Variants in UNC13C observed in about 807,000 individuals in gnomAD.
The protein encoded by UNC13C is protein unc-13 homolog C.
Under a neutral mutation model 245.4 loss-of-function variants are expected in UNC13C, and 174 were observed. That is an observed-to-expected ratio of 0.71 (90% CI 0.63 to 0.80). UNC13C has a LOEUF of 0.80. Among genes scored for constraint, UNC13C ranks in the 30% least tolerant of loss-of-function variants. The pLI, the probability that UNC13C is intolerant of heterozygous loss-of-function variation, is 0.00. For synonymous variants in UNC13C, 992 were observed against 895.1 expected (o/e 1.11, Z -1.93); for missense variants, 2,829 against 2,602.9 (o/e 1.09, Z -1.89).
intron 21 of UNC13C, among the ~76,000 whole-genome samples, chr15:54,500,474 T>C (rs2141098422): frequency 6.6e-6 from 1 of 152,198 alleles, no homozygotes; most frequent in Middle Eastern, 3.4e-3. Flanking sequence ...CTGGAACTTT[T>C]CCAGGATTTC....
At chr15:54,167,465 G>GCACTC (rs1401304844) in intron 4 of UNC13C, among the ~76,000 whole-genome samples, 4 of 139,060 alleles carry the variant, frequency 2.9e-5, no homozygotes, top group African/African-American at 1.1e-4. Flanking sequence ...TCGCGCCACT[G>GCACTC]CACTCCAGCC....
Position 54,264,172 on chromosome 15 carries a change from A to G in UNC13C, c.3453A>G (p.Ala1151=). The G allele has an allele frequency of 1.3e-6, 2 of 1,572,194 alleles. No individual in the cohort carries two copies. Among genetic ancestry groups the G allele is most frequent in the Non-Finnish European group, 1.7e-6 (2 of 1,157,664 alleles). ...CCATTGATGTTTCCATCATAGGAGC[A>G]GCAGAAAAGAGTTCTAAACATGGTG... ...DLLNADCLQR[A]AEKSSKHGAE... is the part of the protein sequence containing the mutation. The change falls in exon 9 of 33, where the codon GCA becomes GCG. Residue 1151 remains alanine (A), a synonymous_variant. Transcript: ENST00000260323.
intron 2 of UNC13C, among the ~76,000 whole-genome samples, chr15:54,040,981 T>G (rs1255382289): frequency 6.6e-6 from 1 of 152,212 alleles, no homozygotes; most frequent in Non-Finnish European, 1.5e-5. Flanking sequence ...CTGTTCTCTT[T>G]GTAATTGCAC....
At chr15:54,322,180 G>A (rs1184875996) in intron 14 of UNC13C, 85 bp downstream of exon 14, 16 of 1,303,988 alleles carry the variant, frequency 1.2e-5, no homozygotes, top group African/African-American at 3.0e-5. Flanking sequence ...GATATTCCTG[G>A]AATCTTATTG....
intron 25 of UNC13C, among the ~76,000 whole-genome samples, chr15:54,530,262 A>T (rs117024629): frequency 0.011 from 1,622 of 152,360 alleles, 14 homozygotes; most frequent in Non-Finnish European, 0.015. Context: ...TAATTGACGT[A>T]TCTATCACCT....
chr15:54,132,659 C>G (rs2031499185), intron 2 of UNC13C, among the ~76,000 whole-genome samples: 1 of 152,226 alleles, frequency 6.6e-6, no homozygotes, highest in Non-Finnish European at 1.5e-5. Context: ...CAGCAACCCT[C>G]TGATTTCATT....
rs79353490 is a variant in UNC13C, at chr15:54,399,989, C to A, written c.4847+6808C>A. Among the ~76,000 whole-genome samples, 694 of 151,996 alleles carry A rather than the reference C, an allele frequency of 4.6e-3. 33 individuals are homozygous for A. The East Asian group carries it at 0.1, about 22-fold the overall frequency. On this transcript the variant is annotated intron_variant, in intron 18 of 32. Coordinates refer to ENST00000260323, the MANE Select transcript of UNC13C (RefSeq NM_001080534.3). ...AAGTACAGAGACTATGCAGTAGAGT[C>A]CTGTATATCCATTATTCAAATTCAA...
intron 17 of UNC13C, among the ~76,000 whole-genome samples, chr15:54,376,574 T>C (rs2039612129): frequency 6.6e-6 from 1 of 152,174 alleles, no homozygotes; most frequent in South Asian, 2.1e-4. Flanking sequence ...AGTCTTCCTG[T>C]CATAGTTTGG....
intron 17 of UNC13C, among the ~76,000 whole-genome samples, chr15:54,342,947 C>T (rs1360536146): frequency 6.6e-6 from 1 of 152,110 alleles, no homozygotes. Flanking sequence ...TTTCTAGGAG[C>T]TAAATTGGTG....
chr15:54,104,913 G>T (rs1432435286), intron 2 of UNC13C, among the ~76,000 whole-genome samples: 1 of 152,098 alleles, frequency 6.6e-6, no homozygotes, highest in Non-Finnish European at 1.5e-5. Context: ...TTACACTCTG[G>T]GGTATTAATG....
chr15:54,505,281 C>G (rs965366387), intron 22 of UNC13C, among the ~76,000 whole-genome samples: 10 of 152,130 alleles, frequency 6.6e-5, no homozygotes, highest in African/African-American at 2.4e-4. Context: ...TTGCCAGGTG[C>G]CCCGTCCATC....
the UNC13C span, among the ~76,000 whole-genome samples, chr15:53,906,319 A>G: frequency 2.6e-5 from 4 of 152,166 alleles, no homozygotes; most frequent in Non-Finnish European, 5.9e-5. Flanking sequence ...CCCTGTCTCA[A>G]AAAAAGAAGT....
At chr15:54,480,121 G>T (rs1432309216) in intron 19 of UNC13C, among the ~76,000 whole-genome samples, 1 of 151,916 alleles carries the variant, frequency 6.6e-6, no homozygotes, top group East Asian at 1.9e-4. Context: ...TTTGACTTTT[G>T]GCAGTTTGAT....
chr15:53,861,050 G>C, the UNC13C span, among the ~76,000 whole-genome samples: 1 of 152,062 alleles, frequency 6.6e-6, no homozygotes, highest in African/African-American at 2.4e-5. Context: ...CTGAAAGCTA[G>C]AGATACTTTA....
At position 54,013,053 on chromosome 15, in the gene UNC13C, C is replaced by G; in HGVS notation, c.150C>G (p.Thr50=). 2.5e-6 allele frequency: 4 copies of G among 1,613,840 alleles called. No homozygotes were observed. Among genetic ancestry groups the G allele is most frequent in the Non-Finnish European group, 3.4e-6 (4 of 1,179,840 alleles). The part of the protein sequence containing the change: ...KDQDFPTAGQ[T]KSPKFSYTFK... ...AAGACTTCCCCACTGCTGGCCAGAC[C>G]AAATCCCCCAAATTTTCTTACACTT... The change falls in exon 2 of 33, where the codon ACC becomes ACG. Residue 50 remains threonine (T), a synonymous_variant. Coordinates refer to ENST00000260323, the MANE Select transcript of UNC13C (RefSeq NM_001080534.3).
chr15:54,280,251 A>G (rs923923714), intron 10 of UNC13C, among the ~76,000 whole-genome samples: 13 of 152,118 alleles, frequency 8.5e-5, no homozygotes, highest in African/African-American at 2.7e-4. Flanking sequence ...ATAAATTAGG[A>G]CACAGTAATA....
At chr15:54,257,894 G>T (rs2036320194) in intron 8 of UNC13C, among the ~76,000 whole-genome samples, 1 of 152,116 alleles carries the variant, frequency 6.6e-6, no homozygotes, top group Non-Finnish European at 1.5e-5. Context: ...AAAAGAAATG[G>T]GTAGGGAATG....
At chr15:53,880,017 CTATT>C in the UNC13C span, among the ~76,000 whole-genome samples, 2 of 151,740 alleles carry the variant, frequency 1.3e-5, no homozygotes, top group African/African-American at 2.4e-5. Context: ...TTAGGGAACA[CTATT>C]TATCAAGGAT....
chr15:54,315,500 T>A (rs1033460587), intron 13 of UNC13C, among the ~76,000 whole-genome samples: 1 of 151,672 alleles, frequency 6.6e-6, no homozygotes, highest in African/African-American at 2.4e-5. Context: ...TTTACTTTTT[T>A]TCTTCTTGTA....
Sources: allele counts gnomAD v4.1 joint callset (sites outside exome capture counted in the v4.1 genomes callset), GRCh38; gene constraint gnomAD v4.1.1; transcripts MANE v1.5; gene names NCBI Gene and HGNC (gene_info 2026-07-23, HGNC 2026-07-21).